Variants in MICAL3 observed in about 807,000 individuals in gnomAD.
MICAL3 encodes [F-actin]-monooxygenase MICAL3.
A neutral mutation model predicts 207.4 loss-of-function variants in MICAL3; 62 were observed. The observed-to-expected ratio is 0.30, with a 90% CI of 0.24 to 0.37. The LOEUF (loss-of-function observed/expected upper bound fraction) is 0.37, where lower values mean the gene tolerates loss of function less well. MICAL3 is among the 10% of genes least tolerant of loss of function. MICAL3 has a pLI of 1.00. For synonymous variants in MICAL3, 1,077 were observed against 1,069.3 expected (o/e 1.01, Z -0.14); for missense variants, 2,368 against 2,635.6 (o/e 0.90, Z 2.22).
intron 1 of MICAL3, among the ~76,000 whole-genome samples, chr22:17,910,156 AG>A (rs1932019725): frequency 6.6e-6 from 1 of 152,184 alleles, no homozygotes. Flanking sequence ...TTCTTGCTGA[AG>A]CCAATACATT....
At chr22:17,998,857 C>A (rs1052145615) in intron 1 of MICAL3, among the ~76,000 whole-genome samples, 1 of 152,062 alleles carries the variant, frequency 6.6e-6, no homozygotes, top group African/African-American at 2.4e-5. Context: ...GGGCCCAGAG[C>A]ATAATTATTA....
intron 17 of MICAL3, among the ~76,000 whole-genome samples, chr22:17,870,478 G>GC (rs1380373618): frequency 2.0e-5 from 3 of 152,142 alleles, no homozygotes; most frequent in African/African-American, 7.2e-5. Context: ...TTACACTTCT[G>GC]CATCTTTCAC....
In MICAL3 at chr22:18,015,718, A is replaced by G. The variant is rs577482533; in HGVS notation, c.-75+8563T>C. Among the ~76,000 whole-genome samples, 4 of 152,236 alleles carry G rather than the reference A, an allele frequency of 2.6e-5. No homozygotes were observed. In the East Asian group the frequency reaches 7.7e-4, roughly 29 times the overall value. The stretch of plus-strand genomic sequence containing the variant: ...CATCTCTAATCCATCACTTCAGCAC[A>G]GCTATGGCACAGGCACACAGATTAT... On this transcript the variant is annotated intron_variant, in intron 1 of 31. Coordinates refer to ENST00000441493, the MANE Select transcript of MICAL3 (RefSeq NM_015241.3).
At chr22:17,877,062 ATGGAGGTTAGGGAAGTTATGGAG>A (rs1928642017) in intron 16 of MICAL3, among the ~76,000 whole-genome samples, 1 of 146,226 alleles carries the variant, frequency 6.8e-6, no homozygotes. Flanking sequence ...TAGGGAGGTT[ATGGAGGTTAGGGAAGTTATGGAG>A]GTTATGGAGG....
At chr22:17,851,305 C>G (rs911770423) in intron 19 of MICAL3, among the ~76,000 whole-genome samples, 5 of 152,188 alleles carry the variant, frequency 3.3e-5, no homozygotes, top group African/African-American at 7.2e-5. Context: ...TGGCTTCCCC[C>G]CTACTTCTGC....
rs376901274 is a variant in MICAL3 at position 17,801,307 on chromosome 22, T to C, written c.5650+7537A>G. Among the ~76,000 whole-genome samples, 36 of 103,254 alleles carry C rather than the reference T, an allele frequency of 3.5e-4. 3 individuals are homozygous for C. The highest frequency in any genetic ancestry group is 3.3e-3 in the East Asian group (12 of 3,668). The allele number at this position is 103,254 out of a possible 152,430, so 67.7% of individuals were successfully genotyped here. A position where few individuals can be genotyped will look rare whatever the true frequency, so the allele number is the denominator to read the frequency against. ...AGCCGGGACTACAGGCGCCCGCCACTACGCCCGGCTAATTTTTTTGTATTT... is the reference window on the plus strand; with the variant it reads ...AGCCGGGACTACAGGCGCCCGCCACCACGCCCGGCTAATTTTTTTGTATTT... On this transcript the variant is annotated intron_variant, in intron 29 of 31. Transcript: ENST00000441493.
chr22:17,868,295 G>A (rs189125807), intron 17 of MICAL3, among the ~76,000 whole-genome samples: 1 of 151,320 alleles, frequency 6.6e-6, no homozygotes, highest in African/African-American at 2.4e-5. Flanking sequence ...AACTCAACAC[G>A]ATGGCACTTT....
At chr22:17,869,778 A>G (rs982670614) in intron 17 of MICAL3, among the ~76,000 whole-genome samples, 3 of 152,204 alleles carry the variant, frequency 2.0e-5, no homozygotes, top group African/African-American at 7.2e-5. Flanking sequence ...GTCAATTTGG[A>G]CAAACAACAT....
chr22:17,820,714 T>TC (rs1921488364), intron 25 of MICAL3, among the ~76,000 whole-genome samples: 1 of 151,974 alleles, frequency 6.6e-6, no homozygotes, highest in South Asian at 2.1e-4. Context: ...AATGCATTTG[T>TC]CATATCAAAC....
At chr22:17,911,610 A>G (rs942393859) in intron 1 of MICAL3, among the ~76,000 whole-genome samples, 2 of 152,186 alleles carry the variant, frequency 1.3e-5, no homozygotes, top group African/African-American at 4.8e-5. Flanking sequence ...AGGTAGGAAG[A>G]TCACTTGAGC....
intron 17 of MICAL3, among the ~76,000 whole-genome samples, chr22:17,868,258 G>C (rs968431237): frequency 4.6e-5 from 7 of 151,456 alleles, no homozygotes; most frequent in Non-Finnish European, 8.8e-5. Context: ...CAAGTCACGT[G>C]TACGCATCTC....
At chr22:17,962,640 C>T (rs568699892) in intron 1 of MICAL3, among the ~76,000 whole-genome samples, 11 of 149,676 alleles carry the variant, frequency 7.3e-5, no homozygotes, top group Admixed American at 6.0e-4. Flanking sequence ...GAAAATTATT[C>T]GACAAATTTG....
At chr22:17,847,965 CAG>C (rs1171879720) in intron 19 of MICAL3, among the ~76,000 whole-genome samples, 2 of 152,134 alleles carry the variant, frequency 1.3e-5, no homozygotes, top group Admixed American at 6.5e-5. Context: ...ACACCCAGCC[CAG>C]CTAACGTCAT....
At chr22:18,005,148 T>C (rs1923304681) in intron 1 of MICAL3, 1 of 152,160 alleles carries the variant, frequency 6.6e-6, no homozygotes, top group African/African-American at 2.4e-5. Flanking sequence ...TTGGCCAGGC[T>C]GGTCTCGAAC....
At chr22:17,845,044 A>G (rs1924489560) in intron 19 of MICAL3, among the ~76,000 whole-genome samples, 1 of 152,212 alleles carries the variant, frequency 6.6e-6, no homozygotes, top group South Asian at 2.1e-4. Flanking sequence ...CTGTGGCGCC[A>G]TTTGATTCTT....
At chr22:17,795,696 C>T (rs1401626222) in intron 29 of MICAL3, among the ~76,000 whole-genome samples, 2 of 152,256 alleles carry the variant, frequency 1.3e-5, no homozygotes, top group Admixed American at 6.5e-5. Context: ...CGCGTGTGAG[C>T]GGCCGGCGAG....
intron 1 of MICAL3, among the ~76,000 whole-genome samples, chr22:17,996,134 TAAA>T (rs35369164): frequency 1.7e-4 from 16 of 93,578 alleles, no homozygotes; most frequent in Admixed American, 3.6e-4. Flanking sequence ...TGTCTCAATT[TAAA>T]AAAAAAAAAA....
Position 17,841,770 on chromosome 22 carries a change from A to G in MICAL3, c.2801+52T>C. On this transcript the variant is annotated intron_variant, in intron 20 of 31. Transcript: ENST00000441493. This position sits in a 1 kb window ranked among gnomAD's most constrained non-coding sequence, Gnocchi z 4.2. ...GAAACCGAGACACACAGAGGTGAGG[A>G]GGCTCTTAGGGCCGTGTGGCGGGTG... 1 of 1,517,582 alleles carries G rather than the reference A, an allele frequency of 6.6e-7. No homozygotes were observed. Among genetic ancestry groups the G allele is most frequent in the Non-Finnish European group, 8.9e-7 (1 of 1,122,752 alleles). 94.0% of individuals were successfully genotyped at this position (1,517,582 alleles called of 1,614,324 possible).
intron 1 of MICAL3, among the ~76,000 whole-genome samples, chr22:17,919,122 G>A (rs1004255045): frequency 6.8e-6 from 1 of 146,910 alleles, no homozygotes; most frequent in Non-Finnish European, 1.5e-5. Context: ...CCAGCCTGGA[G>A]TGCAGTGGCA....
Sources: allele counts gnomAD v4.1 joint callset (sites outside exome capture counted in the v4.1 genomes callset), GRCh38; gene constraint gnomAD v4.1.1; non-coding constraint Gnocchi (gnomAD v3.1); transcripts MANE v1.5; gene names NCBI Gene and HGNC (gene_info 2026-07-23, HGNC 2026-07-21).